NIBAN1: variants seen among roughly 807,000 people sequenced by gnomAD.
The protein encoded by NIBAN1 is protein Niban 1.
NIBAN1 carries 81 observed loss-of-function variants against 75.1 expected under a neutral mutation model. That is an observed-to-expected ratio of 1.08 (90% CI 0.90 to 1.30). The LOEUF (loss-of-function observed/expected upper bound fraction) is 1.30, where lower values mean the gene tolerates loss of function less well. NIBAN1 is among the 50% of genes most tolerant of loss of function. The pLI is 0.00. For missense variants in NIBAN1, 1,133 were observed against 1,128.1 expected (o/e 1.00, Z -0.06); for synonymous variants, 436 against 424.8 (o/e 1.03, Z -0.32).
intron 12 of NIBAN1, among the ~76,000 whole-genome samples, chr1:184,798,485 G>A (rs1653939159): frequency 6.6e-6 from 1 of 152,048 alleles, no homozygotes; most frequent in Non-Finnish European, 1.5e-5. Flanking sequence ...TACTGGCCAC[G>A]CATTTTATGC....
rs1163528077 is a variant in NIBAN1 at position 184,974,337 on chromosome 1, C to G, written c.20G>C (p.Ser7Thr). 6.4e-7 allele frequency: 1 copy of G among 1,565,830 alleles called. No homozygotes were observed. The highest frequency in any genetic ancestry group is 8.6e-7 in the Non-Finnish European group (1 of 1,162,870). Residue 7 changes from serine (S) to threonine (T), a missense_variant, in exon 1 of 14, where the codon AGC becomes ACC. By Grantham distance (58) the Ser-to-Thr change is moderately conservative (BLOSUM62 1). Coordinates refer to ENST00000367511, the MANE Select transcript of NIBAN1 (RefSeq NM_052966.4). Reference protein sequence around the residue: MGGSASSQLDEGKCAYI... With the variant: MGGSASTQLDEGKCAYI... ...AGCGCACTTGCCCTCGTCCAGCTGGCTGGAGGCTGAGCCGCCCATGACCGC... is the reference window on the plus strand; with the variant it reads ...AGCGCACTTGCCCTCGTCCAGCTGGGTGGAGGCTGAGCCGCCCATGACCGC...
At chr1:184,945,102 G>A (rs1658188398) in intron 1 of NIBAN1, among the ~76,000 whole-genome samples, 2 of 152,238 alleles carry the variant, frequency 1.3e-5, no homozygotes, top group South Asian at 2.1e-4. Flanking sequence ...ACAGAGGCAC[G>A]AAACAGTTAT....
chr1:184,848,469 T>A (rs1213930863), intron 5 of NIBAN1, among the ~76,000 whole-genome samples: 1 of 33,024 alleles, frequency 3.0e-5, no homozygotes, highest in Admixed American at 4.1e-4. Context: ...TGGGACGCAT[T>A]CAAAGCAGTG....
intron 1 of NIBAN1, among the ~76,000 whole-genome samples, chr1:184,918,918 C>G (rs1159897890): frequency 6.6e-6 from 1 of 152,192 alleles, no homozygotes; most frequent in Non-Finnish European, 1.5e-5. Flanking sequence ...CCAACATCCT[C>G]CACCATTGGA....
chr1:184,805,040 G>A (rs1284801175), intron 11 of NIBAN1, among the ~76,000 whole-genome samples: 6 of 152,146 alleles, frequency 3.9e-5, no homozygotes, highest in Admixed American at 2.0e-4. Flanking sequence ...TGCCCGCCTC[G>A]GCCTCCCAAA....
At chr1:184,873,461 T>C (rs1656160860) in intron 5 of NIBAN1, among the ~76,000 whole-genome samples, 1 of 152,216 alleles carries the variant, frequency 6.6e-6, no homozygotes, top group Non-Finnish European at 1.5e-5. Context: ...AAGCAAGGCA[T>C]AAATTTTCCA....
chr1:184,949,772 C>T (rs1028618884), intron 1 of NIBAN1, among the ~76,000 whole-genome samples: 34 of 152,152 alleles, frequency 2.2e-4, no homozygotes, highest in Non-Finnish European at 7.4e-5. Flanking sequence ...TAGGATTATG[C>T]TAAGGGGCAC....
At chr1:184,962,062 A>G (rs574815818) in intron 1 of NIBAN1, among the ~76,000 whole-genome samples, 1 of 152,228 alleles carries the variant, frequency 6.6e-6, no homozygotes, top group South Asian at 2.1e-4. Flanking sequence ...GATGAGCTCT[A>G]AACACCAGAG....
rs1405403504 is a variant in NIBAN1, at chr1:184,791,685, T to G, written c.*3292A>C. On this transcript the variant is annotated 3_prime_UTR_variant, in exon 14 of 14. Transcript: ENST00000367511. ...CCAAAAACCATGTCTCGAGGTTTTATGCATTTCTAATGGCTTTGCCCATAG... is the reference window on the plus strand; with the variant it reads ...CCAAAAACCATGTCTCGAGGTTTTAGGCATTTCTAATGGCTTTGCCCATAG... The G allele has an allele frequency of 1.3e-5, 2 of 152,172 alleles. No individual in the cohort carries two copies. Among genetic ancestry groups the G allele is most frequent in the East Asian group, 3.9e-4 (2 of 5,186 alleles). The allele number at this position is 152,172 out of a possible 1,614,324, so 9.4% of individuals were successfully genotyped here.
intron 5 of NIBAN1, among the ~76,000 whole-genome samples, chr1:184,864,424 T>C (rs1655895472): frequency 6.6e-6 from 1 of 152,216 alleles, no homozygotes; most frequent in Admixed American, 6.5e-5. Context: ...TACATTATTC[T>C]AGTCTGTGAA....
At chr1:184,874,222 T>C (rs1279978335) in intron 5 of NIBAN1, among the ~76,000 whole-genome samples, 3 of 151,810 alleles carry the variant, frequency 2.0e-5, no homozygotes, top group African/African-American at 7.3e-5. Context: ...TTAATAATAA[T>C]CAATCCAGAA....
intron 1 of NIBAN1, among the ~76,000 whole-genome samples, chr1:184,942,689 G>A (rs182116857): frequency 0.012 from 1,334 of 115,852 alleles, 19 homozygotes; most frequent in South Asian, 0.024. Flanking sequence ...GCGAGACTCC[G>A]TCTCAAAAAA....
intron 9 of NIBAN1, among the ~76,000 whole-genome samples, chr1:184,815,442 GACCCCTTAAGCTAATCTA>G (rs1439343648): frequency 6.6e-6 from 1 of 152,110 alleles, no homozygotes; most frequent in African/African-American, 2.4e-5. Context: ...ACACCCATTG[GACCCCTTAAGCTAATCTA>G]ACCAGGACAG....
At chr1:184,904,959 C>A (rs1657053313) in intron 1 of NIBAN1, among the ~76,000 whole-genome samples, 1 of 151,820 alleles carries the variant, frequency 6.6e-6, no homozygotes, top group South Asian at 2.1e-4. Flanking sequence ...AAAAAAAATT[C>A]TCTGTATCTA....
At chr1:184,811,203 C>T (rs1193286126) in intron 9 of NIBAN1, among the ~76,000 whole-genome samples, 1 of 152,156 alleles carries the variant, frequency 6.6e-6, no homozygotes, top group Non-Finnish European at 1.5e-5. Context: ...AGTAATATTG[C>T]AGGGGTTATA....
intron 1 of NIBAN1, among the ~76,000 whole-genome samples, chr1:184,932,479 G>T (rs746440047): frequency 6.6e-6 from 1 of 152,100 alleles, no homozygotes; most frequent in Non-Finnish European, 1.5e-5. Context: ...TAATGCTGCC[G>T]CTGACCTGAC....
chr1:184,925,498 C>T (rs1227833976), intron 1 of NIBAN1, among the ~76,000 whole-genome samples: 1 of 151,820 alleles, frequency 6.6e-6, no homozygotes, highest in Non-Finnish European at 1.5e-5. Context: ...TCTTTTCTGC[C>T]TTCCTGCCAT....
At chr1:184,884,952 G>A (rs1408231265) in intron 4 of NIBAN1, 152 bp from the exon 5 acceptor site, 14 of 974,558 alleles carry the variant, frequency 1.4e-5, no homozygotes, top group Non-Finnish European at 2.1e-5. Context: ...TGGGAGCACT[G>A]GCTCCTCTGG....
At chr1:184,944,870 G>C (rs7539438) in intron 1 of NIBAN1, among the ~76,000 whole-genome samples, 56,139 of 152,086 alleles carry the variant, frequency 0.37, 10,781 homozygotes, top group Non-Finnish European at 0.41. Context: ...CTGGGATTTA[G>C]TGTATTCCAG....
Sources: gnomAD v4.1 joint callset for allele counts (sites outside exome capture counted in the v4.1 genomes callset) on GRCh38, gnomAD v4.1.1 for gene constraint, MANE v1.5 for transcripts, NCBI Gene and HGNC (gene_info 2026-07-23, HGNC 2026-07-21) for gene names.